Variants in GRIP1 observed in about 807,000 individuals in gnomAD.
The protein encoded by GRIP1 is glutamate receptor-interacting protein 1.
In GRIP1, 45 loss-of-function variants were observed where a neutral mutation model predicts 129.9. The observed-to-expected ratio is 0.35, with a 90% CI of 0.27 to 0.44. GRIP1 has a LOEUF of 0.44. GRIP1 is among the 20% of genes least tolerant of loss of function. The pLI, the probability that GRIP1 is intolerant of heterozygous loss-of-function variation, is 1.00. For missense variants in GRIP1, 1,196 were observed against 1,396.8 expected (o/e 0.86, Z 2.29); for synonymous variants, 530 against 520.8 (o/e 1.02, Z -0.24).
At chr12:66,839,070 CA>C (rs2137042250) in intron 1 of GRIP1, among the ~76,000 whole-genome samples, 1 of 152,132 alleles carries the variant, frequency 6.6e-6, no homozygotes, top group South Asian at 2.1e-4. Flanking sequence ...TGAGCATTAT[CA>C]TAGCGACTAT....
At chr12:66,864,064 C>T (rs574495344) in intron 1 of GRIP1, among the ~76,000 whole-genome samples, 1 of 152,226 alleles carries the variant, frequency 6.6e-6, no homozygotes, top group South Asian at 2.1e-4. Flanking sequence ...TCACATGAAC[C>T]ATCTCCACCA....
chr12:66,618,671 G>A (rs11615987), intron 1 of GRIP1, among the ~76,000 whole-genome samples: 2 of 152,014 alleles, frequency 1.3e-5, no homozygotes, highest in Non-Finnish European at 2.9e-5. Flanking sequence ...AATATAAAAA[G>A]ATTAACATTG....
At chr12:66,697,776 AT>A (rs1173314315) in intron 1 of GRIP1, among the ~76,000 whole-genome samples, 4 of 152,130 alleles carry the variant, frequency 2.6e-5, no homozygotes, top group African/African-American at 9.7e-5. Context: ...ATTCGAAAGT[AT>A]TTTTAGTGGG....
Position 66,387,066 on chromosome 12 carries a change from G to C in GRIP1, c.2464+5242C>G, listed in dbSNP as rs148631087. Among the ~76,000 whole-genome samples the C allele has an allele frequency of 1.8e-4, 28 of 152,262 alleles. No individual in the cohort carries two copies. In the East Asian group the frequency reaches 5.2e-3, roughly 28 times the overall value. On this transcript the variant is annotated intron_variant, in intron 19 of 24. Coordinates refer to ENST00000359742, the MANE Select transcript of GRIP1 (RefSeq NM_001366722.1). ...AATCCAGTGGAAGTCAAATGGGAAG[G>C]GGGTGGTGGTGGTAAGAAGTGGAGA...
At chr12:66,531,321 A>T (rs1261373558) in intron 4 of GRIP1, among the ~76,000 whole-genome samples, 1 of 63,808 alleles carries the variant, frequency 1.6e-5, no homozygotes, top group African/African-American at 8.4e-5. Context: ...ACACACATAC[A>T]TATACATATA....
At chr12:66,802,880 G>A (rs1442419614) in intron 1 of GRIP1, among the ~76,000 whole-genome samples, 1 of 152,150 alleles carries the variant, frequency 6.6e-6, no homozygotes, top group Non-Finnish European at 1.5e-5. Context: ...CATTATTCAT[G>A]TGCACACATT....
At chr12:66,729,674 T>C (rs1321099421) in intron 1 of GRIP1, among the ~76,000 whole-genome samples, 3 of 152,020 alleles carry the variant, frequency 2.0e-5, no homozygotes, top group Non-Finnish European at 2.9e-5. Context: ...CCTGGGTTCA[T>C]GCCATTCTCC....
At chr12:66,476,429 C>T (rs1353955093) in intron 7 of GRIP1, among the ~76,000 whole-genome samples, 2 of 152,232 alleles carry the variant, frequency 1.3e-5, no homozygotes, top group East Asian at 3.9e-4. Context: ...CCGAATTCTA[C>T]CAGAGGTACA....
chr12:66,535,098 C>CT (rs2061567976), intron 4 of GRIP1, among the ~76,000 whole-genome samples: 1 of 152,166 alleles, frequency 6.6e-6, no homozygotes, highest in Non-Finnish European at 1.5e-5. Context: ...TCCCACCTGG[C>CT]TAGCATGACC....
At position 66,377,246 on chromosome 12, in the gene GRIP1, C is replaced by T; in HGVS notation, c.2661G>A (p.Glu887=). Reference sequence around the variant, plus strand: ...CCAGCGCTTGAGACCAGAAGTTCTCCTCTTGTTCTGTCTCTGCACTATCGG... The same window carrying T: ...CCAGCGCTTGAGACCAGAAGTTCTCTTCTTGTTCTGTCTCTGCACTATCGG... ...GAADSAETEQ[E]ENFWSQALED... Residue 887 remains glutamate, a synonymous_variant, in exon 21 of 25, where the codon GAG becomes GAA. Coordinates refer to ENST00000359742, the MANE Select transcript of GRIP1 (RefSeq NM_001366722.1). The T allele has an allele frequency of 6.2e-7, 1 of 1,613,894 alleles. No homozygotes were observed.
intron 11 of GRIP1, among the ~76,000 whole-genome samples, chr12:66,454,199 G>A (rs1026335974): frequency 6.6e-6 from 1 of 152,224 alleles, no homozygotes; most frequent in South Asian, 2.1e-4. Flanking sequence ...CTGGTCTTGG[G>A]CACTTAGGGT....
chr12:66,461,712 G>A (rs2059141424), intron 9 of GRIP1, among the ~76,000 whole-genome samples: 3 of 152,188 alleles, frequency 2.0e-5, no homozygotes, highest in African/African-American at 4.8e-5. Flanking sequence ...GATTTAGTAT[G>A]AAAATTATCT....
chr12:66,972,018 CTTG>C (rs550078687), intron 1 of GRIP1, among the ~76,000 whole-genome samples: 272 of 152,274 alleles, frequency 1.8e-3, no homozygotes, highest in Admixed American at 6.0e-3. Context: ...CCGCGAGGAC[CTTG>C]TTGTTAAAAC....
In GRIP1 at chr12:66,829,330, G is replaced by A. The variant is rs553874768; in HGVS notation, c.59-232403C>T. Reference sequence around the variant, plus strand: ...GCCAGCAGCCATCAAAAACTGGGAAGGGAAAGGGACAGATTCTTCCCTAAA... The same window carrying A: ...GCCAGCAGCCATCAAAAACTGGGAAAGGAAAGGGACAGATTCTTCCCTAAA... On this transcript the variant is annotated intron_variant, in intron 1 of 1. Coordinates refer to the GRIP1 transcript ENST00000643019. Among the ~76,000 whole-genome samples the A allele has an allele frequency of 5.3e-5, 8 of 152,236 alleles. No individual in the cohort carries two copies. In the South Asian group the frequency reaches 1.7e-3, roughly 32 times the overall value.
chr12:66,883,957 C>A (rs1449428324), intron 1 of GRIP1, among the ~76,000 whole-genome samples: 1 of 152,164 alleles, frequency 6.6e-6, no homozygotes, highest in African/African-American at 2.4e-5. Flanking sequence ...GCACATTGTT[C>A]AAAAATATTA....
chr12:66,433,749 G>A (rs2058218639), intron 13 of GRIP1, among the ~76,000 whole-genome samples: 1 of 152,170 alleles, frequency 6.6e-6, no homozygotes, highest in South Asian at 2.1e-4. Context: ...CTTTCTGATG[G>A]TTTTGGAAAG....
chr12:66,737,209 GT>G (rs1311402170), intron 1 of GRIP1, among the ~76,000 whole-genome samples: 1 of 152,038 alleles, frequency 6.6e-6, no homozygotes, highest in Non-Finnish European at 1.5e-5. Flanking sequence ...TGACTGACTC[GT>G]TTTTTTCTTT....
intron 1 of GRIP1, among the ~76,000 whole-genome samples, chr12:66,764,137 G>C (rs1468771723): frequency 6.6e-6 from 1 of 152,168 alleles, no homozygotes; most frequent in African/African-American, 2.4e-5. Context: ...ACAATCATTT[G>C]GAAAAATAGG....
chr12:66,445,202 A>G (rs2058586724), intron 12 of GRIP1, 120 bp downstream of exon 12: 4 of 864,198 alleles, frequency 4.6e-6, no homozygotes, highest in Non-Finnish European at 7.7e-6. Context: ...GTCAGAAGAC[A>G]GTTCATCATA....
Sources: gnomAD v4.1 joint callset for allele counts (sites outside exome capture counted in the v4.1 genomes callset) on GRCh38, gnomAD v4.1.1 for gene constraint, MANE v1.5 for transcripts, NCBI Gene and HGNC (gene_info 2026-07-23, HGNC 2026-07-21) for gene names.